The following CUL5 variants were observed in gnomAD, a reference collection of about 807,000 sequenced individuals.
CUL5 encodes the protein cullin-5.
A neutral mutation model predicts 108.8 loss-of-function variants in CUL5; 26 were observed. The observed-to-expected ratio is 0.24, with a 90% confidence interval of 0.18 to 0.33. The LOEUF is 0.33. CUL5 is among the 10% of genes least tolerant of loss of function. The pLI, the probability that CUL5 is intolerant of heterozygous loss-of-function variation, is 1.00. For synonymous variants in CUL5, 334 were observed against 298.0 expected (o/e 1.12, Z -1.25); for missense variants, 524 against 909.2 (o/e 0.58, Z 5.45).
chr11:108,043,059 G>A (rs61914362), intron 2 of CUL5, among the ~76,000 whole-genome samples: 3 of 151,800 alleles, frequency 2.0e-5, no homozygotes, highest in Admixed American at 6.6e-5. Flanking sequence ...CGCCATGCCC[G>A]GCCTGTTTCT....
In CUL5 at chr11:108,088,527, G is replaced by T. The variant is rs770120509; in HGVS notation, c.1179G>T (p.Gly393=). ...CAACTGCTTTTAATTTGTTTTTTAG[G>T]GTGGGATTAAAAACTCAGCCTGAAT... ...FKLELPLKQK[G]VGLKTQPESK... is the part of the protein sequence containing the mutation. The change falls in exon 12 of 19, where the codon GGG becomes GGT. Residue 393 remains glycine, a splice_region_variant and synonymous_variant. Transcript: ENST00000393094. 6.3e-7 allele frequency: 1 copy of T among 1,583,070 alleles called. No homozygotes were observed. Among genetic ancestry groups the T allele is most frequent in the African/African-American group, 1.4e-5 (1 of 72,818 alleles).
intron 1 of CUL5, among the ~76,000 whole-genome samples, chr11:108,015,720 T>G (rs1419068900): frequency 6.6e-6 from 1 of 152,192 alleles, no homozygotes; most frequent in Non-Finnish European, 1.5e-5. Context: ...GGTAGAATCT[T>G]TCATGTTCTA....
intron 10 of CUL5, among the ~76,000 whole-genome samples, chr11:108,077,680 C>T (rs981471221): frequency 6.6e-5 from 10 of 150,816 alleles, no homozygotes; most frequent in Admixed American, 6.6e-4. Flanking sequence ...CATGGTGGCT[C>T]ACCCCTGTAA....
intron 11 of CUL5, among the ~76,000 whole-genome samples, chr11:108,087,137 T>G (rs1218158351): frequency 6.6e-6 from 1 of 152,122 alleles, no homozygotes; most frequent in Non-Finnish European, 1.5e-5. Flanking sequence ...CATATTCTAG[T>G]CTCATCTACT....
At chr11:108,071,905 A>T (rs1253461022) in intron 8 of CUL5, among the ~76,000 whole-genome samples, 1 of 152,094 alleles carries the variant, frequency 6.6e-6, no homozygotes, top group Non-Finnish European at 1.5e-5. Flanking sequence ...GACTAAGTAC[A>T]GTGGCTCATA....
chr11:108,089,228 A>C (rs553394307), intron 12 of CUL5, among the ~76,000 whole-genome samples: 1 of 152,146 alleles, frequency 6.6e-6, no homozygotes, highest in South Asian at 2.1e-4. Flanking sequence ...TTTTTCATGT[A>C]AAGTATATCG....
At chr11:108,081,133 A>G (rs1466482563) in intron 11 of CUL5, among the ~76,000 whole-genome samples, 3 of 152,044 alleles carry the variant, frequency 2.0e-5, no homozygotes, top group African/African-American at 7.2e-5. Flanking sequence ...CTAAAAATAC[A>G]ACAAATTAGC....
chr11:108,047,267 T>A (rs1591296302), intron 3 of CUL5, among the ~76,000 whole-genome samples: 1 of 152,074 alleles, frequency 6.6e-6, no homozygotes, highest in East Asian at 1.9e-4. Context: ...CCGTGAGCCG[T>A]GATCATGCCA....
At chr11:108,095,957 G>A (rs558898920) in intron 16 of CUL5, among the ~76,000 whole-genome samples, 8 of 151,650 alleles carry the variant, frequency 5.3e-5, no homozygotes, top group Admixed American at 1.3e-4. Flanking sequence ...TTAGCTGGGC[G>A]TGGTGGTGGG....
At chr11:108,022,658 A>C (rs1862354869) in intron 1 of CUL5, among the ~76,000 whole-genome samples, 1 of 152,208 alleles carries the variant, frequency 6.6e-6, no homozygotes, top group Non-Finnish European at 1.5e-5. Context: ...TTAAAAATTA[A>C]GTTATTCTTC....
intron 1 of CUL5, among the ~76,000 whole-genome samples, chr11:108,026,931 G>A (rs1862464729): frequency 6.7e-6 from 1 of 148,486 alleles, no homozygotes; most frequent in African/African-American, 2.5e-5. Flanking sequence ...GGAGGTTGCA[G>A]TGAGCAGAGA....
At chr11:108,046,234 A>G in intron 2 of CUL5, 36 bp from the exon 3 acceptor site, 1 of 1,390,552 alleles carries the variant, frequency 7.2e-7, no homozygotes, top group Non-Finnish European at 1.0e-6. Flanking sequence ...TTCTTGTTTC[A>G]TTATTAATGT....
At chr11:108,089,824 G>A (rs1436093263) in intron 13 of CUL5, among the ~76,000 whole-genome samples, 1 of 152,028 alleles carries the variant, frequency 6.6e-6, no homozygotes, top group African/African-American at 2.4e-5. Context: ...TGGATCACCT[G>A]AAGTCAGGAG....
At chr11:108,040,184 T>TA (rs1290886867) in intron 2 of CUL5, among the ~76,000 whole-genome samples, 1 of 152,220 alleles carries the variant, frequency 6.6e-6, no homozygotes, top group African/African-American at 2.4e-5. Flanking sequence ...TGTTCCCTTT[T>TA]AAAAGCACTT....
At position 108,072,844 on chromosome 11, in the gene CUL5, A is replaced by G. The variant is rs556490370; in HGVS notation, c.1005+382A>G. On this transcript the variant is annotated intron_variant, in intron 9 of 18. Coordinates refer to ENST00000393094, the MANE Select transcript of CUL5 (RefSeq NM_003478.6). ...CCATTATGTGTTGATTACAAATAAA[A>G]ACATTAAATTTTTAAAAATACAGAA... Among the ~76,000 whole-genome samples, 3 of 152,318 alleles carry G rather than the reference A, an allele frequency of 2.0e-5. No individual in the cohort carries two copies. In the East Asian group the frequency reaches 5.8e-4, roughly 29 times the overall value.
intron 11 of CUL5, among the ~76,000 whole-genome samples, chr11:108,081,568 T>A (rs949568144): frequency 2.6e-5 from 4 of 151,828 alleles, no homozygotes; most frequent in Admixed American, 2.6e-4. Flanking sequence ...CTGGCTAACA[T>A]GGTGAAACCC....
chr11:108,107,356 G>T lies in CUL5; in HGVS notation c.*2972G>T, dbSNP rs1159391926. ...TCAAAGGGCAAATTTTAAAACTTCA[G>T]TCTGGGTGAAAGATTTGCTAGTTTT... On this transcript the variant is annotated 3_prime_UTR_variant, in exon 19 of 19. Coordinates refer to ENST00000393094, the MANE Select transcript of CUL5 (RefSeq NM_003478.6). The T allele has an allele frequency of 3.3e-5, 5 of 152,532 alleles. No individual in the cohort carries two copies. The highest frequency in any genetic ancestry group is 3.8e-4 in the East Asian group (2 of 5,200). The allele number at this position is 152,532 out of a possible 1,614,324, so 9.4% of individuals were successfully genotyped here.
At chr11:108,055,979 A>G (rs990366430) in intron 7 of CUL5, among the ~76,000 whole-genome samples, 39 of 152,132 alleles carry the variant, frequency 2.6e-4, no homozygotes, top group African/African-American at 8.9e-4. Flanking sequence ...AGGTCTTGCT[A>G]TGTAGCCCAG....
At chr11:108,063,726 C>A (rs1863606844) in intron 7 of CUL5, among the ~76,000 whole-genome samples, 1 of 151,912 alleles carries the variant, frequency 6.6e-6, no homozygotes, top group South Asian at 2.1e-4. Context: ...TTCCTATGCT[C>A]ATTTCCATTC....
Sources: gnomAD v4.1 joint callset for allele counts (sites outside exome capture counted in the v4.1 genomes callset) on GRCh38, gnomAD v4.1.1 for gene constraint, MANE v1.5 for transcripts, NCBI Gene and HGNC (gene_info 2026-07-23, HGNC 2026-07-21) for gene names.